Variants in PTPN3 observed in about 807,000 individuals in gnomAD.
The protein encoded by PTPN3 is protein tyrosine phosphatase non-receptor type 3, also known as tyrosine-protein phosphatase non-receptor type 3.
PTPN3 carries 96 observed loss-of-function variants against 132.7 expected under a neutral mutation model. The ratio of observed to expected loss-of-function variants is 0.72; its 90% CI spans 0.61 to 0.86. The LOEUF is 0.86. PTPN3 is among the 40% of genes least tolerant of loss of function. The probability of loss-of-function intolerance (pLI) is 0.00; values close to 1 mark genes in which losing one functional copy is unlikely to be tolerated. For synonymous variants in PTPN3, 398 were observed against 429.0 expected (o/e 0.93, Z 0.89); for missense variants, 1,125 against 1,159.6 (o/e 0.97, Z 0.43).
chr9:109,502,084 A>C (rs1325056601), upstream of PTPN3, among the ~76,000 whole-genome samples: 1 of 152,266 alleles, frequency 6.6e-6, no homozygotes, highest in East Asian at 1.9e-4. Context: ...CAAACTGAAT[A>C]TACATCACAG....
At chr9:109,398,441 A>G (rs143313724) in intron 19 of PTPN3, among the ~76,000 whole-genome samples, 52 of 152,352 alleles carry the variant, frequency 3.4e-4, no homozygotes, top group African/African-American at 1.3e-3. Flanking sequence ...ATTAATGGCT[A>G]TCTTCTATAA....
At chr9:109,413,933 G>A (rs1346198777) in intron 14 of PTPN3, among the ~76,000 whole-genome samples, 2 of 152,142 alleles carry the variant, frequency 1.3e-5, no homozygotes, top group South Asian at 2.1e-4. Context: ...CCGCCCCGCC[G>A]CCTGTGAAAG....
chr9:109,439,900 C>T (rs1462390203), intron 7 of PTPN3, among the ~76,000 whole-genome samples: 1 of 150,616 alleles, frequency 6.6e-6, no homozygotes, highest in African/African-American at 2.4e-5. Flanking sequence ...CACAGCCAGA[C>T]TCTGTCTCAA....
At chr9:109,385,071 T>C (rs558986042) in intron 22 of PTPN3, among the ~76,000 whole-genome samples, 1 of 152,326 alleles carries the variant, frequency 6.6e-6, no homozygotes, top group East Asian at 1.9e-4. Context: ...AGAGAAGATA[T>C]TCTCTGATGA....
intron 21 of PTPN3, among the ~76,000 whole-genome samples, chr9:109,390,833 CA>C (rs1840012974): frequency 6.6e-6 from 1 of 152,034 alleles, no homozygotes; most frequent in South Asian, 2.1e-4. Flanking sequence ...CTGGCAAAAA[CA>C]AACACCTGAA....
rs75342046 is a variant in PTPN3, at chr9:109,381,795, G to C, written c.2529-8C>G. The C allele has an allele frequency of 1.1e-3, 1,749 of 1,614,212 alleles. 17 individuals carry two copies. In the African/African-American group the frequency reaches 0.021, roughly 20 times the overall value. ...GTTCGACCTATTCCAGCACTGGAGA[G>C]GGGAGAGAAGACAGACTTGGGATTT... On this transcript the variant is annotated splice_region_variant and splice_polypyrimidine_tract_variant and intron_variant, in intron 24 of 25. Transcript: ENST00000374541.
intron 1 of PTPN3, among the ~76,000 whole-genome samples, chr9:109,480,954 G>GTT (rs1846931433): frequency 6.6e-6 from 1 of 152,142 alleles, no homozygotes; most frequent in Non-Finnish European, 1.5e-5. Flanking sequence ...ATGGTTGATG[G>GTT]ATAAACCACT....
At chr9:109,379,908 C>T (rs143245449) in intron 25 of PTPN3, among the ~76,000 whole-genome samples, 3 of 152,110 alleles carry the variant, frequency 2.0e-5, no homozygotes, top group Non-Finnish European at 2.9e-5. Flanking sequence ...GCGGGACAGC[C>T]CTTCTTGTAA....
chr9:109,533,126 A>ATTTTTTTTTTTTTTT, the PTPN3 span, among the ~76,000 whole-genome samples: 4 of 36,554 alleles, frequency 1.1e-4, no homozygotes, highest in Non-Finnish European at 1.4e-4. Context: ...TACCTGGCTA[A>ATTTTTTTTTTTTTTT]TTTTTTTTTT....
At chr9:109,434,178 T>A (rs1031997574) in intron 9 of PTPN3, among the ~76,000 whole-genome samples, 1 of 152,194 alleles carries the variant, frequency 6.6e-6, no homozygotes, top group African/African-American at 2.4e-5. Context: ...GGGTCTTGCT[T>A]TGATGCCCAG....
At chr9:109,500,254 G>A (rs1206071015), upstream of PTPN3, among the ~76,000 whole-genome samples, 2 of 152,218 alleles carry the variant, frequency 1.3e-5, no homozygotes, top group Non-Finnish European at 2.9e-5. Context: ...CTGAGATGAG[G>A]AAACCGAGGT....
At chr9:109,414,913 T>C (rs895700191) in intron 14 of PTPN3, among the ~76,000 whole-genome samples, 1 of 152,138 alleles carries the variant, frequency 6.6e-6, no homozygotes, top group Non-Finnish European at 1.5e-5. Flanking sequence ...TATGGTGTGA[T>C]GTTGCTCATG....
At chr9:109,401,499 G>A (rs1028586344) in intron 19 of PTPN3, among the ~76,000 whole-genome samples, 20 of 152,176 alleles carry the variant, frequency 1.3e-4, no homozygotes, top group Admixed American at 1.3e-4. Flanking sequence ...TTAAAAAGTT[G>A]AACACTTTTC....
chr9:109,385,821 GCT>G (rs2131604562), intron 22 of PTPN3, among the ~76,000 whole-genome samples: 1 of 152,360 alleles, frequency 6.6e-6, no homozygotes, highest in African/African-American at 2.4e-5. Flanking sequence ...AACTCAGAAT[GCT>G]CTGTCCTCAG....
chr9:109,478,444 T>C (rs2132094144), intron 1 of PTPN3, among the ~76,000 whole-genome samples: 1 of 152,282 alleles, frequency 6.6e-6, no homozygotes, highest in African/African-American at 2.4e-5. Context: ...AGATGACTTC[T>C]CACTAGCAGA....
chr9:109,515,423 G>A, the PTPN3 span, among the ~76,000 whole-genome samples: 337 of 152,214 alleles, frequency 2.2e-3, 1 homozygote, highest in African/African-American at 7.5e-3. Flanking sequence ...CGCAGGGGGG[G>A]TCTTATACTT....
the PTPN3 span, among the ~76,000 whole-genome samples, chr9:109,528,470 A>C: frequency 6.6e-6 from 1 of 152,252 alleles, no homozygotes; most frequent in African/African-American, 2.4e-5. Context: ...GAAGCTAGAC[A>C]TGAAAGTGTA....
chr9:109,417,493 G>T, intron 14 of PTPN3: 1 of 778,962 alleles, frequency 1.3e-6, no homozygotes, highest in Non-Finnish European at 1.6e-6. Context: ...CAAATATTTT[G>T]TAAACATTTT....
chr9:109,379,312 C>G lies in PTPN3; in HGVS notation c.*244G>C. 1 of 501,700 alleles carries G rather than the reference C, an allele frequency of 2.0e-6. No individual in the cohort carries two copies. The highest frequency in any genetic ancestry group is 3.6e-6 in the Non-Finnish European group (1 of 280,430). 31.1% of individuals were successfully genotyped at this position (501,700 alleles called of 1,614,324 possible). ...AGAAGGCATTAGGACAGGCCCCAAACTGAGATCCTTTTTGTATCTTTCCAT... is the reference window on the plus strand; with the variant it reads ...AGAAGGCATTAGGACAGGCCCCAAAGTGAGATCCTTTTTGTATCTTTCCAT... On this transcript the variant is annotated 3_prime_UTR_variant, in exon 26 of 26. Coordinates refer to ENST00000374541, the MANE Select transcript of PTPN3 (RefSeq NM_002829.4).
Sources: allele counts gnomAD v4.1 joint callset (sites outside exome capture counted in the v4.1 genomes callset), GRCh38; gene constraint gnomAD v4.1.1; transcripts MANE v1.5; gene names NCBI Gene and HGNC (gene_info 2026-07-23, HGNC 2026-07-21).